PCDHA12: variants seen among roughly 807,000 people sequenced by gnomAD.
PCDHA12 encodes protocadherin alpha 12, also known as protocadherin alpha-12.
Under a neutral mutation model 60.0 loss-of-function variants are expected in PCDHA12, and 44 were observed. The ratio of observed to expected loss-of-function variants is 0.73; its 90% CI spans 0.58 to 0.94. The LOEUF (loss-of-function observed/expected upper bound fraction) is 0.94. Ranked by LOEUF, PCDHA12 falls within the 40% of genes least tolerant of loss-of-function variation. The pLI is 0.00. For synonymous variants in PCDHA12, 569 were observed against 553.0 expected (o/e 1.03, Z -0.40); for missense variants, 1,276 against 1,239.7 (o/e 1.03, Z -0.44).
chr5:140,892,910 C>T (rs1206176408), intron 1 of PCDHA12, among the ~76,000 whole-genome samples: 1 of 152,164 alleles, frequency 6.6e-6, no homozygotes, highest in Non-Finnish European at 1.5e-5. Context: ...TCCTCCTTTT[C>T]CTTCACCCTT....
At chr5:140,967,189 C>T (rs1554229286) in intron 1 of PCDHA12, 2 of 1,613,522 alleles carry the variant, frequency 1.2e-6, no homozygotes, top group Admixed American at 1.7e-5. Flanking sequence ...TATTGGACAT[C>T]AACGACAACT....
chr5:140,924,057 T>C (rs1337031156), intron 1 of PCDHA12, among the ~76,000 whole-genome samples: 2 of 152,258 alleles, frequency 1.3e-5, no homozygotes, highest in Non-Finnish European at 2.9e-5. Context: ...GGTACATCTT[T>C]ACAGTTGTAT....
intron 3 of PCDHA12, among the ~76,000 whole-genome samples, chr5:141,003,141 AGACTC>A (rs1554258926): frequency 1.3e-5 from 2 of 152,202 alleles, no homozygotes; most frequent in African/African-American, 4.8e-5. Flanking sequence ...GCCTTGGCAA[AGACTC>A]TGACCTGATC....
chr5:140,876,953 T>G lies in PCDHA12; in HGVS notation c.1481T>G (p.Leu494Arg), dbSNP rs1455444799. Reference sequence around the variant, plus strand: ...AAGAACGCGCTGGTGTCCTACTCGCTGGTGGAGCGGCGGGTGGGCGAGCAC... The same window carrying G: ...AAGAACGCGCTGGTGTCCTACTCGCGGGTGGAGCGGCGGGTGGGCGAGCAC... ...AQKNALVSYS[L>R]VERRVGEHAL... The change falls in exon 1 of 4, where the codon CTG becomes CGG. Residue 494 changes from leucine (L) to arginine (R), a missense_variant. Transcript: ENST00000398631. 3.7e-6 allele frequency: 6 copies of G among 1,613,306 alleles called. No homozygotes were observed. Among genetic ancestry groups the G allele is most frequent in the African/African-American group, 1.3e-5 (1 of 74,920 alleles).
intron 1 of PCDHA12, among the ~76,000 whole-genome samples, chr5:140,910,377 C>T (rs1053075333): frequency 6.6e-6 from 1 of 152,244 alleles, no homozygotes; most frequent in East Asian, 1.9e-4. Flanking sequence ...GCCCACCTTG[C>T]CTTTGACAGT....
intron 1 of PCDHA12, among the ~76,000 whole-genome samples, chr5:140,944,406 C>G (rs1003379783): frequency 6.6e-6 from 1 of 152,084 alleles, no homozygotes; most frequent in African/African-American, 2.4e-5. Flanking sequence ...AGGCTGGTCT[C>G]GAACTCCTGA....
chr5:140,884,684 T>C (rs2060315542), intron 1 of PCDHA12: 1 of 1,543,214 alleles, frequency 6.5e-7, no homozygotes. Flanking sequence ...TTTTAAAAAA[T>C]TGTCTTAGTA....
chr5:140,920,530 G>T (rs2079676121), intron 1 of PCDHA12, among the ~76,000 whole-genome samples: 1 of 152,148 alleles, frequency 6.6e-6, no homozygotes, highest in African/African-American at 2.4e-5. Context: ...GTTAGACTCA[G>T]GTTTTCTATT....
chr5:140,996,172 C>G (rs1694773459), intron 3 of PCDHA12, among the ~76,000 whole-genome samples: 1 of 152,210 alleles, frequency 6.6e-6, no homozygotes, highest in African/African-American at 2.4e-5. Flanking sequence ...AATGTGCTGA[C>G]AGCACCTCCA....
At chr5:140,927,568 A>T in intron 1 of PCDHA12, 1 of 1,614,174 alleles carries the variant, frequency 6.2e-7, no homozygotes, top group Non-Finnish European at 8.5e-7. Flanking sequence ...TGTGGTGGAC[A>T]CAAATGACAA....
intron 3 of PCDHA12, among the ~76,000 whole-genome samples, chr5:140,995,404 A>G (rs941348184): frequency 1.3e-5 from 2 of 152,184 alleles, no homozygotes; most frequent in Admixed American, 6.5e-5. Flanking sequence ...ATGGCTCGAG[A>G]TTTCATCACA....
intron 3 of PCDHA12, among the ~76,000 whole-genome samples, chr5:140,992,706 G>T (rs1554253120): frequency 1.3e-5 from 2 of 152,138 alleles, no homozygotes; most frequent in Admixed American, 1.3e-4. Context: ...TAATGTTCCT[G>T]CCAGTATTCG....
intron 1 of PCDHA12, among the ~76,000 whole-genome samples, chr5:140,879,660 G>A (rs994440632): frequency 1.3e-5 from 2 of 152,154 alleles, no homozygotes; most frequent in East Asian, 1.9e-4. Flanking sequence ...TATAACAAAC[G>A]AACACAAACT....
At chr5:140,996,831 T>C (rs1196344709) in intron 3 of PCDHA12, among the ~76,000 whole-genome samples, 1 of 152,204 alleles carries the variant, frequency 6.6e-6, no homozygotes, top group Non-Finnish European at 1.5e-5. Flanking sequence ...CTACCAATAA[T>C]TTAGCGTGCA....
intron 3 of PCDHA12, among the ~76,000 whole-genome samples, chr5:140,986,799 CTTAG>C (rs782752084): frequency 3.9e-5 from 6 of 152,154 alleles, no homozygotes; most frequent in South Asian, 4.1e-4. Context: ...GGCAGTGAGT[CTTAG>C]TTAGAGAACT....
chr5:141,006,282 G>A (rs2098265578), intron 3 of PCDHA12, among the ~76,000 whole-genome samples: 1 of 151,970 alleles, frequency 6.6e-6, no homozygotes, highest in Non-Finnish European at 1.5e-5. Context: ...CACGATCTCA[G>A]CTCACTGCAA....
chr5:140,951,150 ATAGT>A (rs33995910), intron 1 of PCDHA12, among the ~76,000 whole-genome samples: 85,202 of 151,324 alleles, frequency 0.56, 24,547 homozygotes, highest in African/African-American at 0.69. Context: ...CTTATTGAAT[ATAGT>A]TATAGTAGCT....
At chr5:140,897,298 G>A (rs1372345306) in intron 1 of PCDHA12, among the ~76,000 whole-genome samples, 18 of 150,818 alleles carry the variant, frequency 1.2e-4, no homozygotes, top group Non-Finnish European at 1.8e-4. Flanking sequence ...TCGTCATTTA[G>A]CATTAGGTAT....
intron 1 of PCDHA12, among the ~76,000 whole-genome samples, chr5:140,977,234 A>G (rs2096751203): frequency 1.3e-5 from 2 of 152,242 alleles, no homozygotes; most frequent in Non-Finnish European, 2.9e-5. Flanking sequence ...CCAATCATAG[A>G]AAAATTGGCA....
Sources: gnomAD v4.1 joint callset for allele counts (sites outside exome capture counted in the v4.1 genomes callset) on GRCh38, gnomAD v4.1.1 for gene constraint, MANE v1.5 for transcripts, NCBI Gene and HGNC (gene_info 2026-07-23, HGNC 2026-07-21) for gene names.